Variants in TXN observed in about 807,000 individuals in gnomAD.
The protein encoded by TXN is ADF.
A neutral mutation model predicts 16.5 loss-of-function variants in TXN; 10 were observed. The ratio of observed to expected loss-of-function variants is 0.61; its 90% CI spans 0.37 to 1.03. The LOEUF (loss-of-function observed/expected upper bound fraction) is 1.03. Among genes scored for constraint, TXN ranks in the 50% least tolerant of loss-of-function variants. The probability of loss-of-function intolerance (pLI) is 0.01; values close to 1 mark genes in which losing one functional copy is unlikely to be tolerated. For missense variants in TXN, 71 were observed against 122.5 expected, an observed-to-expected ratio of 0.58 and a Z score of 1.98; for synonymous variants, 35 against 39.4, an observed-to-expected ratio of 0.89 and a Z score of 0.42.
chr9:110,252,900 C>G (rs888587031), intron 1 of TXN, among the ~76,000 whole-genome samples: 1 of 152,120 alleles, frequency 6.6e-6, no homozygotes, highest in African/African-American at 2.4e-5. Context: ...CCGCCTTGGC[C>G]TCCCAAAACA....
chr9:110,246,958 A>T (rs1313240469), intron 3 of TXN, among the ~76,000 whole-genome samples: 2 of 152,120 alleles, frequency 1.3e-5, no homozygotes, highest in African/African-American at 2.4e-5. Flanking sequence ...TACTACTCAT[A>T]CTTTTCTATC....
At chr9:110,245,654 A>T (rs55899561) in intron 3 of TXN, among the ~76,000 whole-genome samples, 7,724 of 21,636 alleles carry the variant, frequency 0.36, 1,663 homozygotes, top group African/African-American at 0.47. Flanking sequence ...ATATATATAT[A>T]TTTTTTTTTT....
In TXN at chr9:110,251,358, A is replaced by C. The variant is rs758994917; in HGVS notation, c.129T>G (p.His43Gln). The change falls in exon 2 of 5, where the codon CAT (histidine) becomes CAG (glutamine). Residue 43 changes from histidine (H) to glutamine (Q), a missense_variant and splice_region_variant. Transcript: ENST00000374517. ...GPCKMIKPFF[H>Q]SLSEKYSNVI... The stretch of plus-strand genomic sequence containing the variant: ...AAAGCAGACATTGTTTAATACTCAC[A>C]TGAAAGAAAGGCTTGATCATTTTGC... 1 of 1,592,226 alleles carries C rather than the reference A, an allele frequency of 6.3e-7. No homozygotes were observed. The highest frequency in any genetic ancestry group is 1.3e-5 in the African/African-American group (1 of 74,566).
chr9:110,253,534 T>C (rs1435614347), intron 1 of TXN, among the ~76,000 whole-genome samples: 1 of 152,214 alleles, frequency 6.6e-6, no homozygotes, highest in African/African-American at 2.4e-5. Context: ...TCTGGTTGAA[T>C]AGACATTTTT....
At chr9:110,248,547 CTA>C (rs772407843) in intron 3 of TXN, among the ~76,000 whole-genome samples, 44 of 152,244 alleles carry the variant, frequency 2.9e-4, no homozygotes, top group Middle Eastern at 3.4e-3. Flanking sequence ...TAAGTACACT[CTA>C]TGTGTGCACA....
intron 3 of TXN, among the ~76,000 whole-genome samples, chr9:110,246,058 A>T (rs1837655476): frequency 6.6e-6 from 1 of 151,432 alleles, no homozygotes; most frequent in Non-Finnish European, 1.5e-5. Context: ...GAATGAGACT[A>T]TCTCGGGAGG....
chr9:110,246,929 C>G (rs1217904016), intron 3 of TXN, among the ~76,000 whole-genome samples: 1 of 152,134 alleles, frequency 6.6e-6, no homozygotes, highest in Admixed American at 6.6e-5. Flanking sequence ...TAAGGTTGGT[C>G]TATCATTTTC....
rs200327890 is a variant in TXN, at chr9:110,245,602, T to TATATACACACAC, written c.190-760_190-759insGTGTGTGTATAT. On this transcript the variant is annotated intron_variant, in intron 3 of 4. Transcript: ENST00000374517. ...TTTTGTGTGTGTGTGTGTATATATA[T>TATATACACACAC]ACACACACACACACACTATATATAT... Among the ~76,000 whole-genome samples the TATATACACACAC allele has an allele frequency of 4.8e-5, 3 of 62,502 alleles. 1 individual carries two copies. The highest frequency in any genetic ancestry group is 3.9e-3 in the East Asian group (2 of 508). The allele number at this position is 62,502 out of a possible 152,430, so 41.0% of individuals were successfully genotyped here. A position where few individuals can be genotyped will look rare whatever the true frequency, so the allele number is the denominator to read the frequency against.
chr9:110,250,293 G>T (rs1837714842), intron 3 of TXN, among the ~76,000 whole-genome samples: 1 of 152,144 alleles, frequency 6.6e-6, no homozygotes, highest in African/African-American at 2.4e-5. Context: ...ACAAGTATTT[G>T]TTAAATACAA....
Position 110,256,464 on chromosome 9 carries a change from G to GCGGCTT in TXN, c.-30_-29insAAGCCG, listed in dbSNP as rs1837812454. 1 of 1,601,982 alleles carries GCGGCTT rather than the reference G, an allele frequency of 6.2e-7. No homozygotes were observed. Among genetic ancestry groups the GCGGCTT allele is most frequent in the Non-Finnish European group, 8.5e-7 (1 of 1,174,526 alleles). On this transcript the variant is annotated 5_prime_UTR_variant, in exon 1 of 5. Coordinates refer to ENST00000374517, the MANE Select transcript of TXN (RefSeq NM_003329.4). The surrounding 1 kb of genome is among the most constrained non-coding windows in gnomAD (Gnocchi z 4.2). Reference sequence around the variant, plus strand: ...GGCTGCTGGAGTCTGACGAGCGGCTGTAAGGACCGATGGAAATGGATCCAA... The same window carrying GCGGCTT: ...GGCTGCTGGAGTCTGACGAGCGGCTGCGGCTTTAAGGACCGATGGAAATGGATCCAA...
At chr9:110,249,027 C>T (rs140161436) in intron 3 of TXN, among the ~76,000 whole-genome samples, 1 of 143,484 alleles carries the variant, frequency 7.0e-6, no homozygotes, top group South Asian at 2.3e-4. Flanking sequence ...ACCCAGGAGG[C>T]TGAGACAGAG....
intron 1 of TXN, among the ~76,000 whole-genome samples, chr9:110,255,797 G>A (rs1225684262): frequency 6.6e-6 from 1 of 152,214 alleles, no homozygotes; most frequent in African/African-American, 2.4e-5. Context: ...CGTCACCTTT[G>A]GGGTCGGGCA....
intron 1 of TXN, among the ~76,000 whole-genome samples, chr9:110,251,705 G>A (rs1282969663): frequency 6.6e-6 from 1 of 150,972 alleles, no homozygotes; most frequent in Non-Finnish European, 1.5e-5. Context: ...TATGTGTAGA[G>A]TATACTGACA....
chr9:110,245,646 A>AC (rs1837645074), intron 3 of TXN, among the ~76,000 whole-genome samples: 1 of 27,944 alleles, frequency 3.6e-5, no homozygotes. Context: ...ATATATATAT[A>AC]TATATATATT....
At chr9:110,249,111 A>G (rs1837693213) in intron 3 of TXN, among the ~76,000 whole-genome samples, 1 of 128,388 alleles carries the variant, frequency 7.8e-6, no homozygotes, top group South Asian at 2.7e-4. Context: ...CAGGTGACAG[A>G]GTGAACTCCA....
At chr9:110,249,274 G>A (rs1450599574) in intron 3 of TXN, among the ~76,000 whole-genome samples, 1 of 145,274 alleles carries the variant, frequency 6.9e-6, no homozygotes, top group Non-Finnish European at 1.5e-5. Flanking sequence ...CAAGGGATAA[G>A]GATTTTTCAC....
chr9:110,249,299 ACT>A (rs1031036000), intron 3 of TXN, among the ~76,000 whole-genome samples: 6 of 127,680 alleles, frequency 4.7e-5, no homozygotes, highest in Non-Finnish European at 9.8e-5. Flanking sequence ...ATGCAATTAC[ACT>A]CTTTTTAAAA....
intron 3 of TXN, among the ~76,000 whole-genome samples, chr9:110,250,265 G>C (rs750695044): frequency 2.6e-5 from 4 of 152,144 alleles, no homozygotes; most frequent in Admixed American, 2.6e-4. Flanking sequence ...ACAGTGCCTG[G>C]TATATACCTA....
chr9:110,243,977 T>C lies in TXN; in HGVS notation c.*180A>G, dbSNP rs527887855. 1 of 327,364 alleles carries C rather than the reference T, an allele frequency of 3.1e-6. No individual in the cohort carries two copies. The highest frequency in any genetic ancestry group is 5.7e-6 in the Non-Finnish European group (1 of 174,590). The allele number at this position is 327,364 out of a possible 1,614,324, so 20.3% of individuals were successfully genotyped here. ...TATAGGAAAATACATTAAATGACCA[T>C]TTCACATTTATTTTGAAAGCTATTC... On this transcript the variant is annotated 3_prime_UTR_variant, in exon 5 of 5. Coordinates refer to ENST00000374517, the MANE Select transcript of TXN (RefSeq NM_003329.4).
Sources: allele counts gnomAD v4.1 joint callset (sites outside exome capture counted in the v4.1 genomes callset), GRCh38; gene constraint gnomAD v4.1.1; non-coding constraint Gnocchi (gnomAD v3.1); transcripts MANE v1.5; gene names NCBI Gene and HGNC (gene_info 2026-07-23, HGNC 2026-07-21).